Variants in SYNE2 observed in about 807,000 individuals in gnomAD.
SYNE2 encodes the protein spectrin repeat containing nuclear envelope protein 2.
Under a neutral mutation model 856.3 loss-of-function variants are expected in SYNE2, and 431 were observed. The observed-to-expected ratio is 0.50, with a 90% CI of 0.47 to 0.55. SYNE2 has a LOEUF of 0.55. SYNE2 is among the 20% of genes least tolerant of loss of function. The pLI is 0.00. For missense variants in SYNE2, 8,129 were observed against 8,023.2 expected (o/e 1.01, Z -0.50); for synonymous variants, 2,923 against 2,872.3 (o/e 1.02, Z -0.56).
chr14:63,974,906 A>G lies in SYNE2; in HGVS notation c.1129-1657A>G, dbSNP rs541813162. On this transcript the variant is annotated intron_variant, in intron 11 of 115. Transcript: ENST00000555002. ...TGTGTGTGTGTGTATATATATATAT[A>G]TATATATATATGTATCTTGAGACAG... 7.3e-3 allele frequency among the ~76,000 whole-genome samples: 333 copies of G among 45,642 alleles called. 7 individuals carry two copies. Among genetic ancestry groups the G allele is most frequent in the African/African-American group, 0.019 (215 of 11,558 alleles). 29.9% of individuals were successfully genotyped at this position (45,642 alleles called of 152,430 possible).
At chr14:64,053,716 C>T (rs766573717) in intron 48 of SYNE2, 59 bp downstream of exon 48, 23 of 1,555,316 alleles carry the variant, frequency 1.5e-5, no homozygotes, top group Non-Finnish European at 2.0e-5. Context: ...CCTGTAATCC[C>T]AGCATTTTGG....
At chr14:64,038,317 A>T (rs1383315634) in intron 45 of SYNE2, among the ~76,000 whole-genome samples, 1 of 151,136 alleles carries the variant, frequency 6.6e-6, no homozygotes, top group Non-Finnish European at 1.5e-5. Context: ...CACTTCCTAG[A>T]TGAGATGGCG....
At chr14:64,110,595 C>CG (rs2097798135) in intron 65 of SYNE2, among the ~76,000 whole-genome samples, 1 of 140,976 alleles carries the variant, frequency 7.1e-6, no homozygotes, top group South Asian at 2.4e-4. Flanking sequence ...TACACCCCCC[C>CG]CCCCCCGCCA....
intron 78 of SYNE2, among the ~76,000 whole-genome samples, chr14:64,135,491 G>A (rs2098080037): frequency 1.3e-5 from 2 of 151,858 alleles, no homozygotes; most frequent in African/African-American, 4.8e-5. Context: ...GTCCTCTGGG[G>A]TGGGTGGGAG....
At chr14:63,889,415 T>C (rs1183441235) in intron 1 of SYNE2, among the ~76,000 whole-genome samples, 1 of 152,054 alleles carries the variant, frequency 6.6e-6, no homozygotes, top group Non-Finnish European at 1.5e-5. Context: ...GAGAGAAGCA[T>C]ACTAAGCATT....
At chr14:63,979,586 T>G (rs1355005897) in intron 14 of SYNE2, among the ~76,000 whole-genome samples, 1 of 152,248 alleles carries the variant, frequency 6.6e-6, no homozygotes, top group Non-Finnish European at 1.5e-5. Flanking sequence ...ATTTAGACTT[T>G]GTCCTTCTTT....
intron 63 of SYNE2, among the ~76,000 whole-genome samples, chr14:64,101,191 T>G (rs192802126): frequency 7.9e-5 from 12 of 152,132 alleles, no homozygotes; most frequent in Non-Finnish European, 1.5e-4. Context: ...GCTGGTTCTA[T>G]TTTTAGTTTT....
At chr14:63,886,214 C>T (rs1203455669) in intron 1 of SYNE2, among the ~76,000 whole-genome samples, 3 of 152,190 alleles carry the variant, frequency 2.0e-5, no homozygotes, top group Non-Finnish European at 2.9e-5. Flanking sequence ...GGGAAACACA[C>T]AAACTTATCA....
At chr14:64,159,469 A>G (rs765524675) in intron 87 of SYNE2, 27 bp downstream of exon 87, 2 of 1,610,656 alleles carry the variant, frequency 1.2e-6, no homozygotes, top group South Asian at 1.1e-5. Flanking sequence ...AATTTGAATG[A>G]TAGATATCTT....
chr14:63,840,486 T>C (rs1890026800), intron 1 of SYNE2, among the ~76,000 whole-genome samples: 1 of 138,138 alleles, frequency 7.2e-6, no homozygotes, highest in Admixed American at 7.3e-5. Flanking sequence ...TTTCCCTCCC[T>C]CCCTTCCCTC....
At chr14:63,829,287 C>T (rs577059894) in intron 1 of SYNE2, among the ~76,000 whole-genome samples, 4 of 152,108 alleles carry the variant, frequency 2.6e-5, no homozygotes, top group South Asian at 2.1e-4. Context: ...TGTTGTGGCA[C>T]GCACCTGTGG....
At position 63,932,938 on chromosome 14, in the gene SYNE2, C is replaced by A. The variant is rs149841735; in HGVS notation, c.80-7676C>A. ...AGAAATAGGATATGGGTAGAGAAGTCGTGGAGCCAAGTTACAAATGACCTG... is the reference window on the plus strand; with the variant it reads ...AGAAATAGGATATGGGTAGAGAAGTAGTGGAGCCAAGTTACAAATGACCTG... On this transcript the variant is annotated intron_variant, in intron 2 of 115. Coordinates refer to ENST00000555002, the MANE Select transcript of SYNE2 (RefSeq NM_182914.3). Among the ~76,000 whole-genome samples, 255 of 152,176 alleles carry A rather than the reference C, an allele frequency of 1.7e-3. 1 individual carries two copies. The highest frequency in any genetic ancestry group is 5.6e-3 in the African/African-American group (234 of 41,502).
chr14:63,886,591 C>T (rs758255311), intron 1 of SYNE2, among the ~76,000 whole-genome samples: 1 of 152,122 alleles, frequency 6.6e-6, no homozygotes, highest in Non-Finnish European at 1.5e-5. Flanking sequence ...TTAGATGTCT[C>T]AACTGACAGA....
rs112941219 is a variant in SYNE2 at position 63,794,805 on chromosome 14, G to A, written c.-305+32819G>A. Among the ~76,000 whole-genome samples the A allele has an allele frequency of 1.3e-3, 199 of 152,258 alleles. 2 individuals carry two copies. The highest frequency in any genetic ancestry group is 4.5e-3 in the African/African-American group (189 of 41,550). ...AAGAAAGGGAACCCATACATTGCTG[G>A]TGGAATGTAAAATGGAATAGCCACT... On this transcript the variant is annotated intron_variant, in intron 1 of 23. Coordinates refer to the SYNE2 transcript ENST00000674003.
Position 64,030,023 on chromosome 14 carries a change from T to C in SYNE2, c.6843T>C (p.Asp2281=). The change falls in exon 44 of 116, where the codon GAT becomes GAC. Residue 2281 remains aspartate (D), a synonymous_variant. Transcript: ENST00000555002. The part of the protein sequence containing the change: ...EFVSFSDKPV[D]QIAVEEKLQK... ...TCAGTTTTTCTGATAAGCCTGTGGATCAAATAGCGGTTGAGGAAAAATTGC... is the reference window on the plus strand; with the variant it reads ...TCAGTTTTTCTGATAAGCCTGTGGACCAAATAGCGGTTGAGGAAAAATTGC... 1 of 1,614,064 alleles carries C rather than the reference T, an allele frequency of 6.2e-7. No homozygotes were observed. Among genetic ancestry groups the C allele is most frequent in the Non-Finnish European group, 8.5e-7 (1 of 1,179,986 alleles).
At chr14:63,836,429 A>G (rs1889862318) in intron 1 of SYNE2, among the ~76,000 whole-genome samples, 1 of 152,194 alleles carries the variant, frequency 6.6e-6, no homozygotes, top group Admixed American at 6.6e-5. Context: ...ATTTGTTCAG[A>G]CTATAAACAT....
Position 64,225,631 on chromosome 14 carries a change from G to T in SYNE2, c.*105G>T, listed in dbSNP as rs2098715716. 8 of 1,236,608 alleles carry T rather than the reference G, an allele frequency of 6.5e-6. No individual in the cohort carries two copies. Among genetic ancestry groups the T allele is most frequent in the Admixed American group, 2.0e-5 (1 of 50,936 alleles). The allele number at this position is 1,236,608 out of a possible 1,614,324, so 76.6% of individuals were successfully genotyped here. A position where few individuals can be genotyped will look rare whatever the true frequency, so the allele number is the denominator to read the frequency against. On this transcript the variant is annotated 3_prime_UTR_variant, in exon 116 of 116. Coordinates refer to ENST00000555002, the MANE Select transcript of SYNE2 (RefSeq NM_182914.3). ...TGACTTAGTGTTGGCAAGGTCCCGG[G>T]ACCTGTGCAGACTTCTTCTGGGCTT... is the stretch of plus-strand genomic sequence containing the variant.
chr14:64,007,720 T>TA lies in SYNE2; in HGVS notation c.4577+505dup, dbSNP rs759128915. ...GGTGAAACCCCATCTCTACAAAATA[T>TA]AAAAAAATTGGCCGGACACAGTTCT... On this transcript the variant is annotated intron_variant, in intron 31 of 115. Transcript: ENST00000555002. 2.0e-5 allele frequency among the ~76,000 whole-genome samples: 3 copies of TA among 151,780 alleles called. No homozygotes were observed. The East Asian group carries it at 5.8e-4, about 29-fold the overall frequency.
chr14:64,106,812 A>G (rs2097774890), intron 64 of SYNE2, among the ~76,000 whole-genome samples: 2 of 152,128 alleles, frequency 1.3e-5, no homozygotes, highest in South Asian at 2.1e-4. Flanking sequence ...TAGAATTTTT[A>G]TGGCATAACT....
Sources: allele counts gnomAD v4.1 joint callset (sites outside exome capture counted in the v4.1 genomes callset), GRCh38; gene constraint gnomAD v4.1.1; transcripts MANE v1.5; gene names NCBI Gene and HGNC (gene_info 2026-07-23, HGNC 2026-07-21).